The following DOCK1 variants were observed in gnomAD, a reference collection of about 807,000 sequenced individuals.
DOCK1 encodes the protein dedicator of cytokinesis 1.
A neutral mutation model predicts 262.7 loss-of-function variants in DOCK1; 138 were observed. That is an observed-to-expected ratio of 0.53 (90% confidence interval 0.46 to 0.61). DOCK1 has a LOEUF of 0.61. Among genes scored for constraint, DOCK1 ranks in the 20% least tolerant of loss-of-function variants. DOCK1 has a pLI of 0.00. For synonymous variants in DOCK1, 866 were observed against 867.4 expected (o/e 1.00, Z 0.03); for missense variants, 1,908 against 2,370.7 (o/e 0.80, Z 4.05).
intron 27 of DOCK1, chr10:127,128,012 G>A (rs907108645): frequency 7.1e-6 from 2 of 280,980 alleles, no homozygotes; most frequent in Non-Finnish European, 6.6e-6. Context: ...TGTATTTTCT[G>A]CTGAGTCGTC....
chr10:126,992,638 AGGAGC>A (rs1236779300), intron 6 of DOCK1, among the ~76,000 whole-genome samples: 1 of 152,040 alleles, frequency 6.6e-6, no homozygotes, highest in Non-Finnish European at 1.5e-5. Flanking sequence ...GAGGGGTTTG[AGGAGC>A]TGTTTGAGAA....
At chr10:127,363,695 G>A (rs1282936884) in intron 33 of DOCK1, among the ~76,000 whole-genome samples, 1 of 152,136 alleles carries the variant, frequency 6.6e-6, no homozygotes, top group Non-Finnish European at 1.5e-5. Context: ...GCTTTGAGTA[G>A]TTTATAGATT....
chr10:126,939,373 G>A (rs901275702), intron 1 of DOCK1, among the ~76,000 whole-genome samples: 6 of 152,238 alleles, frequency 3.9e-5, no homozygotes, highest in East Asian at 3.9e-4. Context: ...GTGCAAGTCC[G>A]CTAGCTTTGT....
At chr10:127,030,300 A>C (rs1488950186) in intron 16 of DOCK1, among the ~76,000 whole-genome samples, 2 of 152,172 alleles carry the variant, frequency 1.3e-5, no homozygotes, top group African/African-American at 4.8e-5. Context: ...CAACTTGAGG[A>C]ATTTCTGGCA....
intron 29 of DOCK1, among the ~76,000 whole-genome samples, chr10:127,258,679 G>A (rs959170638): frequency 6.6e-6 from 1 of 152,198 alleles, no homozygotes; most frequent in African/African-American, 2.4e-5. Context: ...ATGCTGGCTT[G>A]TTGGGTAATT....
At chr10:127,398,082 T>G (rs2067019887) in intron 38 of DOCK1, among the ~76,000 whole-genome samples, 1 of 152,188 alleles carries the variant, frequency 6.6e-6, no homozygotes, top group Non-Finnish European at 1.5e-5. Flanking sequence ...TTGTGCACAC[T>G]TGGGGTGACT....
intron 3 of DOCK1, among the ~76,000 whole-genome samples, chr10:126,978,885 A>G (rs1368050835): frequency 6.6e-6 from 1 of 152,122 alleles, no homozygotes. Context: ...TGCCTTCCCC[A>G]GAGCCCCTAA....
intron 1 of DOCK1, among the ~76,000 whole-genome samples, chr10:126,930,692 C>T (rs2034122200): frequency 6.6e-6 from 1 of 152,204 alleles, no homozygotes; most frequent in Non-Finnish European, 1.5e-5. Context: ...GCACAGGAGT[C>T]CAGGCCAAGG....
chr10:127,036,983 A>AG (rs2043671843), intron 18 of DOCK1, among the ~76,000 whole-genome samples: 1 of 145,484 alleles, frequency 6.9e-6, no homozygotes, highest in Non-Finnish European at 1.5e-5. Context: ...ATCTCAAGGA[A>AG]AAAAAAAAAA....
chr10:127,347,295 G>A (rs1050030971), intron 31 of DOCK1, among the ~76,000 whole-genome samples: 3 of 149,772 alleles, frequency 2.0e-5, no homozygotes, highest in Admixed American at 6.6e-5. Context: ...ACCTCGTGAC[G>A]AAGAAGGTCA....
At chr10:127,119,238 G>A (rs1444112048) in intron 25 of DOCK1, among the ~76,000 whole-genome samples, 1 of 152,134 alleles carries the variant, frequency 6.6e-6, no homozygotes, top group Non-Finnish European at 1.5e-5. Context: ...TAGTAGAGAT[G>A]GGGTTTCACT....
chr10:127,287,185 G>T (rs2061187087), intron 29 of DOCK1, among the ~76,000 whole-genome samples: 1 of 150,944 alleles, frequency 6.6e-6, no homozygotes, highest in African/African-American at 2.4e-5. Context: ...GGGATTACAG[G>T]CATGAGCCAC....
At chr10:127,329,558 T>C (rs895453806) in intron 29 of DOCK1, among the ~76,000 whole-genome samples, 1 of 151,988 alleles carries the variant, frequency 6.6e-6, no homozygotes, top group Non-Finnish European at 1.5e-5. Context: ...GCGGGGACTC[T>C]GGGGCGACCC....
chr10:127,292,457 G>A (rs550095256), intron 29 of DOCK1, among the ~76,000 whole-genome samples: 1 of 152,116 alleles, frequency 6.6e-6, no homozygotes, highest in African/African-American at 2.4e-5. Context: ...GGCCTTTCTG[G>A]CTGTTTACAA....
intron 25 of DOCK1, among the ~76,000 whole-genome samples, chr10:127,112,008 A>G (rs1403815089): frequency 1.3e-5 from 2 of 151,186 alleles, no homozygotes; most frequent in Non-Finnish European, 2.9e-5. Context: ...GAAAGATTCA[A>G]TTAGATTTTT....
At chr10:127,037,649 A>G in intron 18 of DOCK1, 70 bp from the exon 19 acceptor site, 1 of 1,342,316 alleles carries the variant, frequency 7.4e-7, no homozygotes, top group Non-Finnish European at 1.0e-6. Flanking sequence ...ACCTCACATA[A>G]TGCATGATTA....
chr10:127,055,697 CTTTCTTCTCCA>C (rs1203655274), intron 22 of DOCK1, among the ~76,000 whole-genome samples: 1 of 152,180 alleles, frequency 6.6e-6, no homozygotes, highest in Non-Finnish European at 1.5e-5. Flanking sequence ...TTTGCAGAGC[CTTTCTTCTCCA>C]TTAGTTTGGG....
intron 23 of DOCK1, among the ~76,000 whole-genome samples, chr10:127,064,858 G>A (rs954952839): frequency 9.2e-5 from 14 of 152,056 alleles, no homozygotes; most frequent in South Asian, 2.1e-4. Context: ...GAACTTTTAC[G>A]TCTTTCCAAA....
In DOCK1 at chr10:127,321,378, T is replaced by TTC. The variant is rs10678183; in HGVS notation, c.3045-17628_3045-17627insTC. Reference sequence around the variant, plus strand: ...TCTCTCTAGCTCATTTTTTTTTTCTTCTGCCCGGAAGAAATACTGGCATTC... The same window carrying TTC: ...TCTCTCTAGCTCATTTTTTTTTTCTTTCCTGCCCGGAAGAAATACTGGCATTC... On this transcript the variant is annotated intron_variant, in intron 29 of 51. Coordinates refer to ENST00000623213, the MANE Select transcript of DOCK1 (RefSeq NM_001290223.2). Among the ~76,000 whole-genome samples the TTC allele has an allele frequency of 2.7e-5, 4 of 148,862 alleles. No homozygotes were observed. In the East Asian group the frequency reaches 5.9e-4, roughly 22 times the overall value.
Sources: gnomAD v4.1 joint callset for allele counts (sites outside exome capture counted in the v4.1 genomes callset) on GRCh38, gnomAD v4.1.1 for gene constraint, MANE v1.5 for transcripts, NCBI Gene and HGNC (gene_info 2026-07-23, HGNC 2026-07-21) for gene names.